The following MSRA variants were observed in gnomAD, a reference collection of about 807,000 sequenced individuals.
MSRA encodes the protein mitochondrial peptide methionine sulfoxide reductase.
In MSRA, 54 loss-of-function variants were observed where a neutral mutation model predicts 31.3. The ratio of observed to expected loss-of-function variants is 1.73; its 90% CI spans 1.39 to 2.17. The LOEUF (loss-of-function observed/expected upper bound fraction) is 2.17, where lower values mean the gene tolerates loss of function less well. Ranked by LOEUF, MSRA falls within the 30% of genes most tolerant of loss-of-function variation. MSRA has a pLI of 0.00. For missense variants in MSRA, 507 were observed against 300.9 expected, an observed-to-expected ratio of 1.69 and a Z score of -5.07; for synonymous variants, 169 against 116.5, an observed-to-expected ratio of 1.45 and a Z score of -2.90.
intron 3 of MSRA, among the ~76,000 whole-genome samples, chr8:10,267,085 C>G (rs910296935): frequency 6.6e-6 from 1 of 152,154 alleles, no homozygotes; most frequent in African/African-American, 2.4e-5. Flanking sequence ...CCCTTTAATG[C>G]GAACCAACAT....
intron 1 of MSRA, among the ~76,000 whole-genome samples, chr8:10,191,571 G>C (rs992472317): frequency 6.6e-6 from 1 of 152,142 alleles, no homozygotes; most frequent in Non-Finnish European, 1.5e-5. Context: ...TCTATTCCTA[G>C]ACTTTAGTGG....
chr8:10,375,203 T>C (rs1805691805), intron 5 of MSRA, among the ~76,000 whole-genome samples: 1 of 152,192 alleles, frequency 6.6e-6, no homozygotes, highest in African/African-American at 2.4e-5. Context: ...CTTATTCCTA[T>C]CTTTTTTGCA....
intron 3 of MSRA, among the ~76,000 whole-genome samples, chr8:10,275,899 A>C (rs1246204259): frequency 2.6e-5 from 4 of 152,192 alleles, no homozygotes; most frequent in Admixed American, 2.0e-4. Context: ...GTTTGTTTTT[A>C]ACCTACTTTT....
chr8:10,153,425 C>T (rs1365195279), intron 1 of MSRA, among the ~76,000 whole-genome samples: 14 of 152,156 alleles, frequency 9.2e-5, no homozygotes, highest in South Asian at 2.1e-4. Flanking sequence ...CTGGTCCACC[C>T]GACCTATTTT....
At chr8:10,234,264 T>G (rs1443360115) in intron 2 of MSRA, among the ~76,000 whole-genome samples, 3 of 152,142 alleles carry the variant, frequency 2.0e-5, no homozygotes, top group African/African-American at 7.2e-5. Flanking sequence ...TTTAAAAAAA[T>G]AACCCTCTGT....
At chr8:10,070,050 A>T (rs1168782174) in intron 1 of MSRA, among the ~76,000 whole-genome samples, 1 of 152,218 alleles carries the variant, frequency 6.6e-6, no homozygotes, top group Admixed American at 6.5e-5. Flanking sequence ...AATTGGTGCC[A>T]GGTTATGTAA....
chr8:10,222,990 G>A (rs1210023498), intron 2 of MSRA, among the ~76,000 whole-genome samples: 4 of 152,190 alleles, frequency 2.6e-5, no homozygotes, highest in Non-Finnish European at 4.4e-5. Flanking sequence ...TGTTAAGTGT[G>A]TAAGGTGATA....
At chr8:10,290,756 C>G (rs1042766337) in intron 3 of MSRA, among the ~76,000 whole-genome samples, 1 of 152,172 alleles carries the variant, frequency 6.6e-6, no homozygotes, top group Non-Finnish European at 1.5e-5. Flanking sequence ...AATTCAGTAG[C>G]ATCAAGGAAT....
At chr8:10,192,738 T>C (rs1024522614) in intron 1 of MSRA, among the ~76,000 whole-genome samples, 3 of 152,250 alleles carry the variant, frequency 2.0e-5, no homozygotes, top group Non-Finnish European at 4.4e-5. Context: ...GAAATTAGAA[T>C]GCTTTTCTCA....
chr8:10,261,640 C>A (rs564477302), intron 3 of MSRA, among the ~76,000 whole-genome samples: 1 of 152,172 alleles, frequency 6.6e-6, no homozygotes, highest in Non-Finnish European at 1.5e-5. Context: ...GCCACACATA[C>A]ATCCATTTTC....
At chr8:10,235,848 C>G (rs1294348191) in intron 2 of MSRA, among the ~76,000 whole-genome samples, 1 of 151,862 alleles carries the variant, frequency 6.6e-6, no homozygotes, top group Non-Finnish European at 1.5e-5. Context: ...TGGACAAGGA[C>G]ATTATAAGAA....
intron 3 of MSRA, among the ~76,000 whole-genome samples, chr8:10,249,435 TG>T (rs1797802477): frequency 6.6e-6 from 1 of 152,236 alleles, no homozygotes; most frequent in African/African-American, 2.4e-5. Context: ...TGCATTTCCC[TG>T]GAGATTTCCT....
chr8:10,082,142 A>G (rs959771547), intron 1 of MSRA, among the ~76,000 whole-genome samples: 1 of 152,090 alleles, frequency 6.6e-6, no homozygotes, highest in Non-Finnish European at 1.5e-5. Flanking sequence ...GGAGGTCAAG[A>G]CTGAGTGAGC....
At chr8:10,230,699 A>C (rs1811387442) in intron 2 of MSRA, among the ~76,000 whole-genome samples, 1 of 152,232 alleles carries the variant, frequency 6.6e-6, no homozygotes, top group Admixed American at 6.5e-5. Flanking sequence ...CAAAAAGAAG[A>C]ACATAAAAAT....
At chr8:10,180,155 T>C (rs571982218) in intron 1 of MSRA, among the ~76,000 whole-genome samples, 1 of 152,366 alleles carries the variant, frequency 6.6e-6, no homozygotes, top group Admixed American at 6.5e-5. Flanking sequence ...CTGACTTGAC[T>C]ACCTGACTCA....
chr8:10,255,090 T>C (rs1301180943), intron 3 of MSRA, among the ~76,000 whole-genome samples: 2 of 152,226 alleles, frequency 1.3e-5, no homozygotes, highest in Non-Finnish European at 2.9e-5. Context: ...AGCACTGTCC[T>C]CAGTATTCTG....
Position 10,093,103 on chromosome 8 carries a change from C to T in MSRA, c.142+38445C>T, listed in dbSNP as rs553123626. On this transcript the variant is annotated intron_variant, in intron 1 of 5. Transcript: ENST00000317173. ...TATAAAGTGTGTCTTTTGTAGACAG[C>T]ATATAGTTGAATTTTGTTTTAAAAT... Among the ~76,000 whole-genome samples, 210 of 152,156 alleles carry T rather than the reference C, an allele frequency of 1.4e-3. 1 individual carries two copies. The Middle Eastern group carries it at 0.017, about 12-fold the overall frequency.
At chr8:10,320,101 C>A (rs1340274965) in intron 5 of MSRA, 112 bp downstream of exon 5, 2 of 642,664 alleles carry the variant, frequency 3.1e-6, no homozygotes, top group Non-Finnish European at 5.3e-6. Context: ...TTTATTTGCA[C>A]ATCTCTTAGA....
At chr8:10,085,107 G>C (rs1798490909) in intron 1 of MSRA, among the ~76,000 whole-genome samples, 1 of 152,180 alleles carries the variant, frequency 6.6e-6, no homozygotes. Context: ...AGGAAAATCT[G>C]TGAGGGGTGG....
Sources: allele counts gnomAD v4.1 joint callset (sites outside exome capture counted in the v4.1 genomes callset), GRCh38; gene constraint gnomAD v4.1.1; transcripts MANE v1.5; gene names NCBI Gene and HGNC (gene_info 2026-07-23, HGNC 2026-07-21).